Variants in GXYLT2 observed in about 807,000 individuals in gnomAD.
GXYLT2 encodes the protein glycosyltransferase 8 domain containing 4.
A neutral mutation model predicts 45.8 loss-of-function variants in GXYLT2; 53 were observed. The ratio of observed to expected loss-of-function variants is 1.16; its 90% CI spans 0.93 to 1.46. The LOEUF is 1.46. Among genes scored for constraint, GXYLT2 ranks in the 40% most tolerant of loss-of-function variants. The pLI is 0.00. For synonymous variants in GXYLT2, 219 were observed against 214.2 expected (o/e 1.02, Z -0.19); for missense variants, 551 against 544.4 (o/e 1.01, Z -0.12).
chr3:72,943,752 T>G (rs954711040), intron 3 of GXYLT2, among the ~76,000 whole-genome samples: 1 of 152,164 alleles, frequency 6.6e-6, no homozygotes, highest in Non-Finnish European at 1.5e-5. Context: ...AGTGTCCAGT[T>G]CTGTGGCATT....
intron 1 of GXYLT2, among the ~76,000 whole-genome samples, chr3:72,906,849 G>A (rs527424742): frequency 6.6e-6 from 1 of 152,336 alleles, no homozygotes; most frequent in Admixed American, 6.5e-5. Context: ...GCTGTGGGCA[G>A]TTGTGAGAGA....
chr3:72,943,806 A>G (rs1710346267), intron 3 of GXYLT2, among the ~76,000 whole-genome samples: 1 of 151,854 alleles, frequency 6.6e-6, no homozygotes, highest in Admixed American at 6.6e-5. Flanking sequence ...CATCTTCCCG[A>G]GCTGAAACTA....
At chr3:72,924,615 G>A (rs1709886034) in intron 3 of GXYLT2, among the ~76,000 whole-genome samples, 1 of 152,116 alleles carries the variant, frequency 6.6e-6, no homozygotes, top group Non-Finnish European at 1.5e-5. Flanking sequence ...GCGCAGACAG[G>A]GTTGGTGAAG....
At chr3:72,968,912 A>AT (rs940100605) in intron 6 of GXYLT2, among the ~76,000 whole-genome samples, 72 of 148,650 alleles carry the variant, frequency 4.8e-4, no homozygotes, top group African/African-American at 1.8e-3. Context: ...CAAAAAAAAA[A>AT]TTTTTTTTTG....
At chr3:72,950,581 G>A (rs1710502771) in intron 3 of GXYLT2, among the ~76,000 whole-genome samples, 1 of 151,910 alleles carries the variant, frequency 6.6e-6, no homozygotes, top group African/African-American at 2.4e-5. Context: ...AGTGAGCTAT[G>A]ATTGCACCAC....
At chr3:72,920,382 G>A (rs1010884051) in intron 2 of GXYLT2, among the ~76,000 whole-genome samples, 7 of 152,040 alleles carry the variant, frequency 4.6e-5, no homozygotes, top group Non-Finnish European at 1.0e-4. Flanking sequence ...TGATCCACCC[G>A]CCTTGGCCTC....
chr3:72,893,726 A>G (rs1025907286), intron 1 of GXYLT2, among the ~76,000 whole-genome samples: 7 of 152,260 alleles, frequency 4.6e-5, no homozygotes, highest in Admixed American at 2.0e-4. Context: ...TTATCTAATA[A>G]TATTCAAAAT....
chr3:72,919,120 T>C (rs1352398730), intron 2 of GXYLT2, among the ~76,000 whole-genome samples: 1 of 152,198 alleles, frequency 6.6e-6, no homozygotes, highest in Non-Finnish European at 1.5e-5. Flanking sequence ...ATCCAGGAAT[T>C]GAACTCCTAA....
At chr3:72,903,978 C>A (rs976802462) in intron 1 of GXYLT2, among the ~76,000 whole-genome samples, 1 of 152,208 alleles carries the variant, frequency 6.6e-6, no homozygotes, top group African/African-American at 2.4e-5. Flanking sequence ...ATCTGCCCTG[C>A]CATCATCTGA....
At chr3:72,913,072 C>T (rs1709664083) in intron 2 of GXYLT2, among the ~76,000 whole-genome samples, 1 of 146,696 alleles carries the variant, frequency 6.8e-6, no homozygotes, top group African/African-American at 2.5e-5. Flanking sequence ...GAGTCTTGCT[C>T]TGTGGCCCAG....
intron 5 of GXYLT2, among the ~76,000 whole-genome samples, chr3:72,966,168 A>G (rs1331444019): frequency 6.6e-6 from 1 of 151,492 alleles, no homozygotes; most frequent in Non-Finnish European, 1.5e-5. Flanking sequence ...TAGTAGAGAC[A>G]GGGTTTCATC....
At chr3:72,920,989 T>C (rs1709824066) in intron 2 of GXYLT2, among the ~76,000 whole-genome samples, 1 of 151,570 alleles carries the variant, frequency 6.6e-6, no homozygotes, top group African/African-American at 2.4e-5. Context: ...GCCAGCTAAT[T>C]TTTGTATTTT....
intron 5 of GXYLT2, among the ~76,000 whole-genome samples, chr3:72,964,926 G>A (rs1258486018): frequency 6.6e-6 from 1 of 152,198 alleles, no homozygotes; most frequent in South Asian, 2.1e-4. Flanking sequence ...GTTGGGTGTG[G>A]CCAGGCACAG....
rs1278781750 is a variant in GXYLT2 at position 72,961,674 on chromosome 3, A to AAAAAAAAAG, written c.976+4323_976+4324insAAAAAAAGA. 3.5e-3 allele frequency among the ~76,000 whole-genome samples: 422 copies of AAAAAAAAAG among 118,886 alleles called. 3 individuals carry two copies. Among genetic ancestry groups the AAAAAAAAAG allele is most frequent in the Non-Finnish European group, 5.9e-3 (343 of 58,602 alleles). The allele number at this position is 118,886 out of a possible 152,430, so 78.0% of individuals were successfully genotyped here. On this transcript the variant is annotated intron_variant, in intron 5 of 6. Transcript: ENST00000389617. ...GAATTCTTAGCAAAAAAAAAAAAAA[A>AAAAAAAAAG]AGAGAGAGAGAGAGACTGGCCCAGC...
rs1211261286 is a variant in GXYLT2 at position 72,955,215 on chromosome 3, A to G, written c.718A>G (p.Met240Val). Residue 240 changes from methionine (M) to valine (V), a missense_variant, in exon 4 of 7, where the codon ATG becomes GTG. Coordinates refer to ENST00000389617, the MANE Select transcript of GXYLT2 (RefSeq NM_001080393.2). Reference protein sequence around the residue: ...RLFNSTQLAAMAPEHEIPKIG... With the variant: ...RLFNSTQLAAVAPEHEIPKIG... ...GTTTAATTCCACCCAGCTTGCAGCCATGGCCCCTGAGCACGAAATCCCCAA... is the reference window on the plus strand; with the variant it reads ...GTTTAATTCCACCCAGCTTGCAGCCGTGGCCCCTGAGCACGAAATCCCCAA... 3 of 1,614,050 alleles carry G rather than the reference A, an allele frequency of 1.9e-6. No individual in the cohort carries two copies. The highest frequency in any genetic ancestry group is 3.3e-5 in the Admixed American group (2 of 60,028).
intron 5 of GXYLT2, among the ~76,000 whole-genome samples, chr3:72,966,256 G>A (rs972023069): frequency 1.1e-4 from 16 of 150,998 alleles, no homozygotes; most frequent in Admixed American, 2.0e-4. Flanking sequence ...TGGGATTACA[G>A]GTGTGAGCCA....
In GXYLT2 at chr3:72,915,360, G is replaced by C. The variant is rs1202238828; in HGVS notation, c.468+6801G>C. Among the ~76,000 whole-genome samples, 33 of 131,918 alleles carry C rather than the reference G, an allele frequency of 2.5e-4. 1 individual carries two copies. The highest frequency in any genetic ancestry group is 4.2e-4 in the Non-Finnish European group (26 of 62,640). 86.5% of individuals were successfully genotyped at this position (131,918 alleles called of 152,430 possible). A position where few individuals can be genotyped will look rare whatever the true frequency, so the allele number is the denominator to read the frequency against. The stretch of plus-strand genomic sequence containing the variant: ...TTCCTTTTTTTTTTTTTTTTGCGGG[G>C]GGGGGGGGGATTTAGGAAAAATAGC... On this transcript the variant is annotated intron_variant, in intron 2 of 6. Transcript: ENST00000389617.
At chr3:72,958,337 C>G (rs1356830512) in intron 5 of GXYLT2, among the ~76,000 whole-genome samples, 1 of 151,434 alleles carries the variant, frequency 6.6e-6, no homozygotes, top group African/African-American at 2.4e-5. Flanking sequence ...GCAAAAAAAG[C>G]AATCCTTACC....
intron 5 of GXYLT2, among the ~76,000 whole-genome samples, chr3:72,966,370 T>G: frequency 6.6e-6 from 1 of 151,010 alleles, no homozygotes; most frequent in East Asian, 1.9e-4. Context: ...TCTTGACTCC[T>G]CTTTTTTAGT....
Sources: allele counts gnomAD v4.1 joint callset (sites outside exome capture counted in the v4.1 genomes callset), GRCh38; gene constraint gnomAD v4.1.1; transcripts MANE v1.5; gene names NCBI Gene and HGNC (gene_info 2026-07-23, HGNC 2026-07-21).